Variants in TTC39B observed in about 807,000 individuals in gnomAD.
TTC39B encodes tetratricopeptide repeat protein 39B.
A neutral mutation model predicts 96.6 loss-of-function variants in TTC39B; 92 were observed. The ratio of observed to expected loss-of-function variants is 0.95; its 90% confidence interval spans 0.80 to 1.13. TTC39B has a LOEUF of 1.13. Ranked by LOEUF, TTC39B falls within the 50% of genes most tolerant of loss-of-function variation. The pLI is 0.00. For missense variants in TTC39B, 955 were observed against 809.3 expected, an observed-to-expected ratio of 1.18 and a Z score of -2.18; for synonymous variants, 367 against 299.4, an observed-to-expected ratio of 1.23 and a Z score of -2.33.
chr9:15,298,744 C>A (rs1202034836), intron 1 of TTC39B, among the ~76,000 whole-genome samples: 1 of 151,846 alleles, frequency 6.6e-6, no homozygotes, highest in Non-Finnish European at 1.5e-5. Context: ...CATAATAAAT[C>A]CCCTCTCATC....
intron 2 of TTC39B, among the ~76,000 whole-genome samples, chr9:15,265,534 G>T (rs1430569433): frequency 6.6e-6 from 1 of 152,196 alleles, no homozygotes; most frequent in Non-Finnish European, 1.5e-5. Context: ...CAAGGGAGGA[G>T]CAGGGTTGAA....
chr9:15,299,942 A>T (rs185853702), intron 1 of TTC39B, among the ~76,000 whole-genome samples: 172 of 151,568 alleles, frequency 1.1e-3, no homozygotes, highest in African/African-American at 3.9e-3. Flanking sequence ...GAAAAGTTTC[A>T]CTAGAAAAAC....
intron 16 of TTC39B, 66 bp downstream of exon 16, chr9:15,185,214 A>G: frequency 2.0e-6 from 3 of 1,519,850 alleles, no homozygotes; most frequent in Non-Finnish European, 1.8e-6. Flanking sequence ...AAATTTAGAT[A>G]TGCTCCCTGC....
chr9:15,235,575 T>C (rs780625799), intron 2 of TTC39B, among the ~76,000 whole-genome samples: 4 of 151,902 alleles, frequency 2.6e-5, no homozygotes, highest in Non-Finnish European at 5.9e-5. Flanking sequence ...AAGGGTCAAA[T>C]CACCTACAAA....
At chr9:15,219,905 C>T (rs1820749747) in intron 3 of TTC39B, among the ~76,000 whole-genome samples, 1 of 152,156 alleles carries the variant, frequency 6.6e-6, no homozygotes, top group African/African-American at 2.4e-5. Flanking sequence ...GCTGAAATTC[C>T]ATTCAGAGCT....
At chr9:15,177,650 C>A in intron 18 of TTC39B, 47 bp downstream of exon 18, 1 of 1,346,852 alleles carries the variant, frequency 7.4e-7, no homozygotes, top group Non-Finnish European at 1.0e-6. Flanking sequence ...AGCAATTCCC[C>A]AGAAACCACA....
intron 2 of TTC39B, chr9:15,249,823 T>G (rs906867256): frequency 9.8e-7 from 1 of 1,023,276 alleles, no homozygotes; most frequent in Non-Finnish European, 1.2e-6. Flanking sequence ...GTTTAAAAAA[T>G]TTACATAGCC....
intron 2 of TTC39B, among the ~76,000 whole-genome samples, chr9:15,248,583 G>A (rs184553107): frequency 6.6e-6 from 1 of 150,752 alleles, no homozygotes; most frequent in Admixed American, 6.7e-5. Context: ...CAAGAGCTTC[G>A]TAACAGATGT....
In TTC39B at chr9:15,166,999, TATATATATATATATATATA is replaced by T. The variant is rs1564299687; in HGVS notation, c.*5001_*5019del. The T allele has an allele frequency of 6.8e-3, 44 of 6,454 alleles. 3 individuals are homozygous for T. Among genetic ancestry groups the T allele is most frequent in the East Asian group, 0.033 (4 of 122 alleles). 0.4% of individuals were successfully genotyped at this position (6,454 alleles called of 1,614,324 possible). On this transcript the variant is annotated 3_prime_UTR_variant, in exon 20 of 20. Coordinates refer to ENST00000512701, the Ensembl canonical transcript of TTC39B. ...CCTTTATTTTATATATATATATATATATATATATATATATATATATATATATATATTTTTTTTTTTTTTT... is the reference window on the plus strand; with the variant it reads ...CCTTTATTTTATATATATATATATATTATATATATATTTTTTTTTTTTTTT...
chr9:15,242,743 T>A (rs1228703854), intron 2 of TTC39B, among the ~76,000 whole-genome samples: 1 of 152,214 alleles, frequency 6.6e-6, no homozygotes, highest in Admixed American at 6.5e-5. Flanking sequence ...TAATAATGTA[T>A]ATACATAGAA....
At chr9:15,176,166 T>C (rs1817926688) in intron 18 of TTC39B, among the ~76,000 whole-genome samples, 1 of 152,176 alleles carries the variant, frequency 6.6e-6, no homozygotes, top group African/African-American at 2.4e-5. Flanking sequence ...AAAATCACTG[T>C]AGAGCAACTC....
At chr9:15,261,114 G>A (rs1822928773) in intron 2 of TTC39B, among the ~76,000 whole-genome samples, 1 of 152,152 alleles carries the variant, frequency 6.6e-6, no homozygotes, top group African/African-American at 2.4e-5. Context: ...ATTAATCAGT[G>A]CCCAACCAGG....
chr9:15,306,994 C>A lies in TTC39B; in HGVS notation c.240+90G>T. 1 of 1,536,264 alleles carries A rather than the reference C, an allele frequency of 6.5e-7. No homozygotes were observed. The highest frequency in any genetic ancestry group is 1.2e-5 in the South Asian group (1 of 83,364). The stretch of plus-strand genomic sequence containing the variant: ...CAGAGAGGGGACCAAGGGGGCGGGG[C>A]CTCGGCCGTCCTAGCCGGGCTCACT... On this transcript the variant is annotated intron_variant, in intron 1 of 19. Coordinates refer to ENST00000512701, the Ensembl canonical transcript of TTC39B. The surrounding 1 kb of genome is among the most constrained non-coding windows in gnomAD (Gnocchi z 5.1).
At chr9:15,174,504 G>A (rs1195259374) in intron 19 of TTC39B, among the ~76,000 whole-genome samples, 1 of 152,184 alleles carries the variant, frequency 6.6e-6, no homozygotes. Flanking sequence ...AGAAAAAACA[G>A]AGTCTGGGTA....
At chr9:15,182,269 G>C (rs1217992217) in intron 17 of TTC39B, 38 bp downstream of exon 17, 1 of 1,350,846 alleles carries the variant, frequency 7.4e-7, no homozygotes, top group Non-Finnish European at 1.0e-6. Context: ...TCATGGAGCA[G>C]AGACAAAGGC....
At chr9:15,189,293 G>C (rs2118755974) in intron 13 of TTC39B, among the ~76,000 whole-genome samples, 1 of 152,232 alleles carries the variant, frequency 6.6e-6, no homozygotes, top group Non-Finnish European at 1.5e-5. Flanking sequence ...ACAGTTTCTT[G>C]AAAATCCCTG....
intron 6 of TTC39B, among the ~76,000 whole-genome samples, chr9:15,207,545 G>T (rs944911857): frequency 2.0e-5 from 3 of 152,156 alleles, no homozygotes; most frequent in African/African-American, 7.2e-5. Context: ...CAGATGATCA[G>T]TTAACCCTAC....
chr9:15,268,000 C>G lies in TTC39B; in HGVS notation c.241-52G>C, dbSNP rs1220582751. On this transcript the variant is annotated intron_variant, in intron 1 of 19. Coordinates refer to ENST00000512701, the Ensembl canonical transcript of TTC39B. ...TTTCTCAAGAATTCTCAATGGGTTT[C>G]TCAAGAATTCTAAAAGAGAAAATGA... 6 of 1,544,432 alleles carry G rather than the reference C, an allele frequency of 3.9e-6. No homozygotes were observed. The African/African-American group carries it at 6.8e-5, about 18-fold the overall frequency.
chr9:15,220,172 T>C (rs1414683525), intron 3 of TTC39B, among the ~76,000 whole-genome samples: 1 of 152,186 alleles, frequency 6.6e-6, no homozygotes, highest in African/African-American at 2.4e-5. Context: ...CAGGGTTCTT[T>C]TGCAAGCCAA....
Sources: allele counts gnomAD v4.1 joint callset (sites outside exome capture counted in the v4.1 genomes callset), GRCh38; gene constraint gnomAD v4.1.1; non-coding constraint Gnocchi (gnomAD v3.1); transcripts MANE v1.5; gene names NCBI Gene and HGNC (gene_info 2026-07-23, HGNC 2026-07-21).